The following SPATA6L variants were observed in gnomAD, a reference collection of about 807,000 sequenced individuals.
SPATA6L encodes spermatogenesis associated 6 like, also known as spermatogenesis associated 6-like protein.
A neutral mutation model predicts 49.2 loss-of-function variants in SPATA6L; 68 were observed. That is an observed-to-expected ratio of 1.38 (90% CI 1.14 to 1.69). SPATA6L has a LOEUF of 1.69. Among genes scored for constraint, SPATA6L ranks in the 40% most tolerant of loss-of-function variants. The pLI, the probability that SPATA6L is intolerant of heterozygous loss-of-function variation, is 0.00. For synonymous variants in SPATA6L, 198 were observed against 165.7 expected (o/e 1.19, Z -1.50); for missense variants, 668 against 464.3 (o/e 1.44, Z -4.03).
chr9:4,609,663 T>C (rs1826184874), intron 9 of SPATA6L, among the ~76,000 whole-genome samples: 1 of 151,472 alleles, frequency 6.6e-6, no homozygotes. Flanking sequence ...ATAAGAGCTA[T>C]CTGTGACAAA....
intron 9 of SPATA6L, among the ~76,000 whole-genome samples, chr9:4,616,707 T>A (rs1828094833): frequency 6.6e-6 from 1 of 152,172 alleles, no homozygotes; most frequent in South Asian, 2.1e-4. Context: ...TGCCTCAGCC[T>A]CCCGAGTAGC....
chr9:4,655,278 T>G (rs397280), intron 3 of SPATA6L, among the ~76,000 whole-genome samples: 95,249 of 152,030 alleles, frequency 0.63, 31,877 homozygotes, highest in African/African-American at 0.87. Flanking sequence ...ACACTAAGAA[T>G]TCAATCACAA....
chr9:4,614,204 T>C (rs1827442257), intron 9 of SPATA6L, among the ~76,000 whole-genome samples: 2 of 152,172 alleles, frequency 1.3e-5, no homozygotes, highest in Admixed American at 6.5e-5. Context: ...ATTCAGATGG[T>C]GGATACAGGG....
chr9:4,599,076 C>T lies in SPATA6L; in HGVS notation c.*1735G>A, dbSNP rs770626545. ...CAAGTCTAAACACGAAATTCATTTA[C>T]GTTTTATATACACTTTATACAGGTA... On this transcript the variant is annotated 3_prime_UTR_variant, in exon 12 of 12. Transcript: ENST00000682582. Among the ~76,000 whole-genome samples, 33 of 152,194 alleles carry T rather than the reference C, an allele frequency of 2.2e-4. No homozygotes were observed. Among genetic ancestry groups the T allele is most frequent in the Admixed American group, 5.2e-4 (8 of 15,278 alleles).
chr9:4,629,057 G>A (rs1287267375), intron 5 of SPATA6L, 34 bp downstream of exon 5: 1 of 1,456,886 alleles, frequency 6.9e-7, no homozygotes, highest in Non-Finnish European at 9.4e-7. Flanking sequence ...AAAAAATCCG[G>A]TCATTTCTAT....
intron 3 of SPATA6L, among the ~76,000 whole-genome samples, chr9:4,645,095 A>G (rs1189567589): frequency 6.6e-6 from 1 of 152,246 alleles, no homozygotes; most frequent in Admixed American, 6.5e-5. Flanking sequence ...AATTTCATAT[A>G]ATTTTCACAT....
chr9:4,658,599 C>G lies in SPATA6L; in HGVS notation c.178-2510G>C, dbSNP rs1003946839. Among the ~76,000 whole-genome samples the G allele has an allele frequency of 2.0e-5, 3 of 152,194 alleles. No homozygotes were observed. The South Asian group carries it at 6.2e-4, about 31-fold the overall frequency. On this transcript the variant is annotated intron_variant, in intron 2 of 11. Transcript: ENST00000682582. ...CCATAGTGGCATCTGAAATGTGACTCAGGCTCACTCTTCTCTTTGACAAAT... is the reference window on the plus strand; with the variant it reads ...CCATAGTGGCATCTGAAATGTGACTGAGGCTCACTCTTCTCTTTGACAAAT...
At chr9:4,596,322 G>A (rs1340258145), downstream of SPATA6L, 1 of 152,174 alleles carries the variant, frequency 6.6e-6, no homozygotes, top group Non-Finnish European at 1.5e-5. Flanking sequence ...TGCAGGGCTG[G>A]GAGGAGACCC....
Position 4,598,922 on chromosome 9 carries a change from G to A in SPATA6L, c.*1889C>T, listed in dbSNP as rs749519242. ...TGGAATGCTGGTTGTGATACAGGTTGAGTCTCCCTTATCTTCAGTGCTTGG... is the reference window on the plus strand; with the variant it reads ...TGGAATGCTGGTTGTGATACAGGTTAAGTCTCCCTTATCTTCAGTGCTTGG... On this transcript the variant is annotated 3_prime_UTR_variant, in exon 12 of 12. Transcript: ENST00000682582. Among the ~76,000 whole-genome samples, 28 of 152,232 alleles carry A rather than the reference G, an allele frequency of 1.8e-4. 1 individual carries two copies. Among genetic ancestry groups the A allele is most frequent in the Non-Finnish European group, 2.1e-4 (14 of 68,034 alleles).
intron 5 of SPATA6L, chr9:4,626,382 T>C: frequency 2.3e-6 from 3 of 1,295,716 alleles, no homozygotes; most frequent in Non-Finnish European, 3.0e-6. Flanking sequence ...CAGTGAGCAG[T>C]GCCCCTCCTT....
chr9:4,656,671 G>A (rs1838297310), intron 2 of SPATA6L, among the ~76,000 whole-genome samples: 1 of 152,184 alleles, frequency 6.6e-6, no homozygotes, highest in African/African-American at 2.4e-5. Context: ...AGAAGTGCAA[G>A]AAAATTTCAA....
intron 4 of SPATA6L, among the ~76,000 whole-genome samples, chr9:4,629,769 G>GTGTGTGTTTATATATATATATA (rs1311805859): frequency 9.8e-6 from 1 of 101,936 alleles, no homozygotes; most frequent in East Asian, 3.2e-4. Context: ...GTGTGTGTGT[G>GTGTGTGTTTATATATATATATA]TATATATATA....
downstream of SPATA6L, among the ~76,000 whole-genome samples, chr9:4,596,029 T>C (rs1822226265): frequency 6.6e-6 from 1 of 152,208 alleles, no homozygotes; most frequent in Non-Finnish European, 1.5e-5. Flanking sequence ...TCACTCACCA[T>C]TATTTCAAAC....
chr9:4,623,968 T>C (rs1205170781), intron 6 of SPATA6L, among the ~76,000 whole-genome samples: 2 of 152,238 alleles, frequency 1.3e-5, no homozygotes, highest in Non-Finnish European at 2.9e-5. Flanking sequence ...TGTAGATAGC[T>C]GTTCTGAAGT....
intron 5 of SPATA6L, 44 bp from the exon 6 acceptor site, chr9:4,625,610 AAAG>A (rs770095368): frequency 2.5e-5 from 34 of 1,372,806 alleles, no homozygotes; most frequent in Non-Finnish European, 2.9e-5. Flanking sequence ...TAAAGAAAGA[AAAG>A]AAGAAAATTC....
chr9:4,597,606 G>C (rs1431298991), downstream of SPATA6L, among the ~76,000 whole-genome samples: 2 of 152,190 alleles, frequency 1.3e-5, no homozygotes, highest in African/African-American at 2.4e-5. Flanking sequence ...GATAAACAAA[G>C]TAACTTCATT....
chr9:4,654,160 G>A (rs1194421117), intron 3 of SPATA6L, among the ~76,000 whole-genome samples: 1 of 152,216 alleles, frequency 6.6e-6, no homozygotes, highest in East Asian at 1.9e-4. Context: ...ACAAGTGTCG[G>A]CCAGGATGTG....
At chr9:4,660,475 C>T (rs1469287657) in intron 2 of SPATA6L, among the ~76,000 whole-genome samples, 1 of 152,182 alleles carries the variant, frequency 6.6e-6, no homozygotes. Flanking sequence ...ATCAAAACCA[C>T]AATGAGATAC....
intron 3 of SPATA6L, chr9:4,646,420 T>G: frequency 1.7e-6 from 2 of 1,207,202 alleles, no homozygotes; most frequent in Non-Finnish European, 2.3e-6. Context: ...AGTCCCCATT[T>G]TGACAGGCCA....
Sources: allele counts gnomAD v4.1 joint callset (sites outside exome capture counted in the v4.1 genomes callset), GRCh38; gene constraint gnomAD v4.1.1; transcripts MANE v1.5; gene names NCBI Gene and HGNC (gene_info 2026-07-23, HGNC 2026-07-21).